The following AHDC1 variants were observed in gnomAD, a reference collection of about 807,000 sequenced individuals.
The protein encoded by AHDC1 is AT-hook DNA binding motif containing 1.
AHDC1 carries 7 observed loss-of-function variants against 87.9 expected under a neutral mutation model. The observed-to-expected ratio is 0.08, with a 90% CI of 0.05 to 0.15. AHDC1 has a LOEUF of 0.15. AHDC1 is among the 10% of genes least tolerant of loss of function. The pLI is 1.00. For synonymous variants in AHDC1, 1,051 were observed against 1,006.8 expected (o/e 1.04, Z -0.83); for missense variants, 1,841 against 2,253.2 (o/e 0.82, Z 3.70).
chr1:27,545,115 C>G (rs1463569741), intron 8 of AHDC1, among the ~76,000 whole-genome samples: 1 of 151,124 alleles, frequency 6.6e-6, no homozygotes, highest in Non-Finnish European at 1.5e-5. Flanking sequence ...GCTTCAAGGT[C>G]CGGTCAGCAT....
At chr1:27,599,583 T>G (rs895791017) in intron 3 of AHDC1, among the ~76,000 whole-genome samples, 1 of 152,214 alleles carries the variant, frequency 6.6e-6, no homozygotes, top group Non-Finnish European at 1.5e-5. Flanking sequence ...CCTGAGCAAG[T>G]GGCTCCTCTC....
chr1:27,583,887 T>G (rs1467244172), intron 3 of AHDC1, among the ~76,000 whole-genome samples: 1 of 152,124 alleles, frequency 6.6e-6, no homozygotes, highest in Non-Finnish European at 1.5e-5. Flanking sequence ...TTCACTTATC[T>G]CCATTCTGAA....
chr1:27,550,434 G>T lies in AHDC1; in HGVS notation c.1682C>A (p.Pro561His), dbSNP rs1468201454. 3 of 1,609,850 alleles carry T rather than the reference G, an allele frequency of 1.9e-6. No homozygotes were observed. Among genetic ancestry groups the T allele is most frequent in the Non-Finnish European group, 2.5e-6 (3 of 1,177,102 alleles). ...GGCCGCCACCACAGCTGGCTCCTTG[G>T]GCTTGCCGGGACCCAGCAGCAGGTT... is the stretch of plus-strand genomic sequence containing the variant. The part of the protein sequence containing the change: ...PKNLLLGPGK[P>H]KEPAVVAAEA... The change falls in exon 8 of 9, where the codon CCC becomes CAC. Residue 561 changes from proline to histidine, a missense_variant. By Grantham distance (77) the Pro-to-His change is moderately conservative. Transcript: ENST00000673934.
At chr1:27,601,873 A>G (rs1394172256) in intron 3 of AHDC1, among the ~76,000 whole-genome samples, 1 of 152,184 alleles carries the variant, frequency 6.6e-6, no homozygotes, top group African/African-American at 2.4e-5. Flanking sequence ...CGGCGGCGAC[A>G]GCAGCAGCGG....
In AHDC1 at chr1:27,551,368, A is replaced by G; in HGVS notation, c.748T>C (p.Ser250Pro). ...ADADILSELA[S>P]LTCPEAQLLE... ...AGCTGGGCCTCTGGGCAAGTGAGGG[A>G]GGCCAGCTCACTAAGGATGTCGGCG... The change falls in exon 8 of 9, where the codon TCC (serine) becomes CCC (proline). Residue 250 changes from serine to proline, a missense_variant. Ser to Pro is a moderately conservative substitution (Grantham distance 74). Coordinates refer to ENST00000673934, the MANE Select transcript of AHDC1 (RefSeq NM_001371928.1). 1 of 1,613,716 alleles carries G rather than the reference A, an allele frequency of 6.2e-7. No individual in the cohort carries two copies. Among genetic ancestry groups the G allele is most frequent in the Non-Finnish European group, 8.5e-7 (1 of 1,179,940 alleles).
chr1:27,600,024 G>A (rs921771865), intron 3 of AHDC1, among the ~76,000 whole-genome samples: 7 of 151,946 alleles, frequency 4.6e-5, no homozygotes, highest in South Asian at 2.1e-4. Context: ...CCAGGGAGGG[G>A]AGTGGTATAT....
intron 8 of AHDC1, among the ~76,000 whole-genome samples, chr1:27,543,820 C>T (rs1175487342): frequency 6.6e-6 from 1 of 152,114 alleles, no homozygotes; most frequent in Admixed American, 6.5e-5. Flanking sequence ...TGGTGCGCCC[C>T]TGTAATCCCA....
chr1:27,587,345 T>A (rs2089087529), intron 3 of AHDC1, among the ~76,000 whole-genome samples: 1 of 152,236 alleles, frequency 6.6e-6, no homozygotes, highest in Non-Finnish European at 1.5e-5. Context: ...GCCTAGCCTC[T>A]GAGGCCTCGC....
chr1:27,578,127 T>C (rs1455643406), intron 3 of AHDC1, among the ~76,000 whole-genome samples: 15 of 152,236 alleles, frequency 9.9e-5, no homozygotes. Flanking sequence ...TGGTAGCCAC[T>C]AGCCACATGT....
chr1:27,571,565 C>A (rs2088514203), intron 3 of AHDC1, among the ~76,000 whole-genome samples: 1 of 152,026 alleles, frequency 6.6e-6, no homozygotes, highest in Non-Finnish European at 1.5e-5. Context: ...GAGGGACAGC[C>A]CCACCCCCTG....
chr1:27,568,983 G>A (rs891080850), intron 3 of AHDC1, among the ~76,000 whole-genome samples: 76 of 152,202 alleles, frequency 5.0e-4, no homozygotes, highest in African/African-American at 1.7e-3. Context: ...GTGGGGCGCG[G>A]GGGGCTGGCG....
At chr1:27,600,432 A>G (rs2089499190) in intron 3 of AHDC1, among the ~76,000 whole-genome samples, 1 of 151,528 alleles carries the variant, frequency 6.6e-6, no homozygotes, top group South Asian at 2.1e-4. Flanking sequence ...GGTGGCTGGC[A>G]TGAGACACAG....
At chr1:27,585,062 A>G (rs2089012367) in intron 3 of AHDC1, among the ~76,000 whole-genome samples, 1 of 151,884 alleles carries the variant, frequency 6.6e-6, no homozygotes. Context: ...AATCCCAGCT[A>G]CTTGGTCTGG....
chr1:27,548,365 T>C lies in AHDC1; in HGVS notation c.3751A>G (p.Thr1251Ala), dbSNP rs1271970563. ...LFEASHLGFP[T>A]SASAAASGYP... ...CCTGAGGCAGCGGCAGAGGCGGATG[T>C]CGGGAAGCCCAGATGTGAGGCCTCG... The change falls in exon 8 of 9, where the codon ACA becomes GCA. Residue 1251 changes from threonine to alanine, a missense_variant. Thr to Ala is a moderately conservative substitution (Grantham distance 58). Around this residue, in one of 13 missense-constraint regions of AHDC1, gnomAD observed 505 missense variants for 626.2 expected, o/e 0.81. Coordinates refer to ENST00000673934, the MANE Select transcript of AHDC1 (RefSeq NM_001371928.1). 6.2e-7 allele frequency: 1 copy of C among 1,606,334 alleles called. No individual in the cohort carries two copies. The highest frequency in any genetic ancestry group is 1.7e-5 in the Admixed American group (1 of 59,894).
In AHDC1 at chr1:27,550,125, C is replaced by T. The variant is rs1447458445; in HGVS notation, c.1991G>A (p.Gly664Asp). Residue 664 changes from glycine to aspartate, a missense_variant, in exon 8 of 9, where the codon GGC becomes GAC. This residue lies in a region of AHDC1 where 236 missense variants were observed against 257.9 expected (regional missense o/e 0.92). Coordinates refer to ENST00000673934, the MANE Select transcript of AHDC1 (RefSeq NM_001371928.1). ...SISHFLHRVQ[G>D]FRRRGGKAGG... ...TGCTTTGCCCCCACGCCGCCGGAAG[C>T]CCTGCACACGATGCAGGAAGTGGGA... The T allele has an allele frequency of 6.2e-7, 1 of 1,610,512 alleles. No homozygotes were observed. Among genetic ancestry groups the T allele is most frequent in the Non-Finnish European group, 8.5e-7 (1 of 1,179,904 alleles).
chr1:27,543,792 A>G (rs1468484367), intron 8 of AHDC1, among the ~76,000 whole-genome samples: 1 of 152,072 alleles, frequency 6.6e-6, no homozygotes, highest in African/African-American at 2.4e-5. Context: ...AAAATACAAA[A>G]AAGTTAGCTG....
chr1:27,537,287 C>T (rs1316053907), intron 8 of AHDC1, among the ~76,000 whole-genome samples: 2 of 152,222 alleles, frequency 1.3e-5, no homozygotes, highest in Middle Eastern at 3.4e-3. Context: ...AGACCAAGAC[C>T]GATCTGGTTC....
Position 27,595,260 on chromosome 1 carries a change from T to C in AHDC1, c.-629+8137A>G, listed in dbSNP as rs1036666847. On this transcript the variant is annotated intron_variant, in intron 3 of 8. Transcript: ENST00000673934. This position sits in a 1 kb window ranked among gnomAD's most constrained non-coding sequence, Gnocchi z 4.0. ...GGAAAGGTATAGGGGATGATACCGG[T>C]GTTTGGGGAAGTGCTGAGCTATAGC... 3.2e-4 allele frequency among the ~76,000 whole-genome samples: 49 copies of C among 151,780 alleles called. No individual in the cohort carries two copies. Among genetic ancestry groups the C allele is most frequent in the African/African-American group, 1.1e-3 (45 of 41,276 alleles).
rs1187066823 is a variant in AHDC1 at position 27,565,439 on chromosome 1, G to A, written c.-628-6556C>T. The stretch of plus-strand genomic sequence containing the variant: ...AGGCCACTGCCCAGACTGGGAGGGC[G>A]GGCCAGACAGCAGGGGCTGCCAGTC... On this transcript the variant is annotated intron_variant, in intron 3 of 8. Transcript: ENST00000673934. The surrounding 1 kb of genome is among the most constrained non-coding windows in gnomAD (Gnocchi z 4.6). 6.6e-6 allele frequency among the ~76,000 whole-genome samples: 1 copy of A among 152,178 alleles called. No homozygotes were observed. The highest frequency in any genetic ancestry group is 1.5e-5 in the Non-Finnish European group (1 of 68,024).
Sources: allele counts gnomAD v4.1 joint callset (sites outside exome capture counted in the v4.1 genomes callset), GRCh38; gene constraint gnomAD v4.1.1; regional missense constraint gnomAD v4.1.1; non-coding constraint Gnocchi (gnomAD v3.1); transcripts MANE v1.5; gene names NCBI Gene and HGNC (gene_info 2026-07-23, HGNC 2026-07-21).